Variants in ZBTB20 observed in about 807,000 individuals in gnomAD.
The protein encoded by ZBTB20 is zinc finger and BTB domain containing 20, also known as zinc finger and BTB domain-containing protein 20.
ZBTB20 carries 9 observed loss-of-function variants against 56.9 expected under a neutral mutation model. The observed-to-expected ratio is 0.16, with a 90% CI of 0.10 to 0.28. The LOEUF (loss-of-function observed/expected upper bound fraction) is 0.28, where lower values mean the gene tolerates loss of function less well. Ranked by LOEUF, ZBTB20 falls within the 10% of genes least tolerant of loss-of-function variation. The pLI, the probability that ZBTB20 is intolerant of heterozygous loss-of-function variation, is 1.00. For missense variants in ZBTB20, 655 were observed against 1,003.0 expected, an observed-to-expected ratio of 0.65 and a Z score of 4.69; for synonymous variants, 417 against 420.7, an observed-to-expected ratio of 0.99 and a Z score of 0.11.
chr3:115,142,045 A>G (rs1450947805), intron 1 of ZBTB20, among the ~76,000 whole-genome samples: 17 of 152,194 alleles, frequency 1.1e-4, no homozygotes, highest in Admixed American at 1.0e-3. Flanking sequence ...TACTTCCAAA[A>G]TAACACTTCA....
intron 4 of ZBTB20, among the ~76,000 whole-genome samples, chr3:114,881,179 A>G (rs1314709824): frequency 6.6e-6 from 1 of 152,100 alleles, no homozygotes; most frequent in Non-Finnish European, 1.5e-5. Context: ...TGAATATTCA[A>G]CTTTTCTAGC....
intron 6 of ZBTB20, among the ~76,000 whole-genome samples, chr3:114,532,338 G>A (rs1384030402): frequency 2.0e-5 from 3 of 152,138 alleles, no homozygotes; most frequent in African/African-American, 4.8e-5. Context: ...TTAAGTAGGT[G>A]GTTTTCCCCT....
At chr3:114,438,416 C>CAAAAAAAAAAA (rs11405102) in intron 7 of ZBTB20, among the ~76,000 whole-genome samples, 1 of 120,394 alleles carries the variant, frequency 8.3e-6, no homozygotes, top group African/African-American at 3.4e-5. Context: ...CACTCCTTGC[C>CAAAAAAAAAAA]AAAAAAAAAC....
intron 5 of ZBTB20, among the ~76,000 whole-genome samples, chr3:114,706,658 C>G (rs567866518): frequency 6.6e-6 from 1 of 152,016 alleles, no homozygotes; most frequent in African/African-American, 2.4e-5. Flanking sequence ...CATCTAAATC[C>G]CACAGTGTCC....
intron 4 of ZBTB20, among the ~76,000 whole-genome samples, chr3:114,846,467 C>G (rs1447330348): frequency 2.0e-5 from 3 of 152,186 alleles, no homozygotes; most frequent in African/African-American, 7.2e-5. Context: ...TAGAGCCAAT[C>G]TGGGGAGTGT....
intron 1 of ZBTB20, among the ~76,000 whole-genome samples, chr3:115,102,230 G>A (rs910462715): frequency 1.3e-5 from 2 of 152,106 alleles, no homozygotes; most frequent in African/African-American, 4.8e-5. Context: ...ATGATTAAAA[G>A]GAGACAGACA....
chr3:114,522,435 CT>C (rs1374584476), intron 6 of ZBTB20, among the ~76,000 whole-genome samples: 1 of 152,088 alleles, frequency 6.6e-6, no homozygotes, highest in Non-Finnish European at 1.5e-5. Context: ...ACTGCAAAGG[CT>C]TTTCTTCCAA....
chr3:114,548,172 A>C (rs1389202110), intron 6 of ZBTB20, among the ~76,000 whole-genome samples: 1 of 152,244 alleles, frequency 6.6e-6, no homozygotes, highest in Non-Finnish European at 1.5e-5. Context: ...CCTTATGGCC[A>C]TGGTATCAGA....
chr3:114,854,976 T>C (rs546741945), intron 4 of ZBTB20, among the ~76,000 whole-genome samples: 1 of 152,342 alleles, frequency 6.6e-6, no homozygotes, highest in South Asian at 2.1e-4. Context: ...CTTTCTTTTG[T>C]CTAAACTTCT....
chr3:114,608,099 G>A (rs549573160), intron 6 of ZBTB20, among the ~76,000 whole-genome samples: 109 of 152,148 alleles, frequency 7.2e-4, no homozygotes, highest in Non-Finnish European at 1.3e-3. Flanking sequence ...AGGAAGGGTT[G>A]GGAGTAAAAA....
intron 7 of ZBTB20, among the ~76,000 whole-genome samples, chr3:114,481,831 G>T (rs1288078821): frequency 2.6e-5 from 4 of 152,206 alleles, no homozygotes; most frequent in Non-Finnish European, 4.4e-5. Flanking sequence ...GTCACAGCAG[G>T]TTTGTTCAGA....
chr3:114,373,339 G>C (rs1442387513), intron 10 of ZBTB20, among the ~76,000 whole-genome samples: 1 of 151,928 alleles, frequency 6.6e-6, no homozygotes, highest in African/African-American at 2.4e-5. Flanking sequence ...AATGGATATA[G>C]GATTCAGCTC....
At chr3:114,485,830 AT>A (rs1230815907) in intron 7 of ZBTB20, among the ~76,000 whole-genome samples, 3 of 152,116 alleles carry the variant, frequency 2.0e-5, no homozygotes, top group Non-Finnish European at 2.9e-5. Context: ...CAGATACCAA[AT>A]TTGCAGGTGC....
intron 6 of ZBTB20, among the ~76,000 whole-genome samples, chr3:114,644,629 G>A (rs1196963411): frequency 2.0e-5 from 3 of 152,052 alleles, no homozygotes; most frequent in Non-Finnish European, 4.4e-5. Context: ...TGGAGGAGAG[G>A]GAATGCTTAC....
At chr3:115,011,854 TG>T in intron 2 of ZBTB20, among the ~76,000 whole-genome samples, 1 of 151,940 alleles carries the variant, frequency 6.6e-6, no homozygotes. Context: ...TACAACTTTT[TG>T]AGACATAGTA....
intron 4 of ZBTB20, among the ~76,000 whole-genome samples, chr3:114,819,977 ATT>A (rs2073148382): frequency 6.6e-6 from 1 of 151,932 alleles, no homozygotes; most frequent in African/African-American, 2.4e-5. Context: ...TTTGCCTGCA[ATT>A]TGTCATATAT....
At chr3:114,810,782 G>C (rs1306713654) in intron 4 of ZBTB20, among the ~76,000 whole-genome samples, 1 of 152,162 alleles carries the variant, frequency 6.6e-6, no homozygotes, top group Non-Finnish European at 1.5e-5. Context: ...GGGCCTAGCT[G>C]CAGGTATCCA....
At chr3:114,848,838 T>A (rs1316427586) in intron 4 of ZBTB20, among the ~76,000 whole-genome samples, 1 of 152,216 alleles carries the variant, frequency 6.6e-6, no homozygotes, top group African/African-American at 2.4e-5. Context: ...AAGTCTCCTC[T>A]CTGCCAATGT....
chr3:114,399,303 C>T (rs915968090), intron 7 of ZBTB20, among the ~76,000 whole-genome samples: 4 of 151,850 alleles, frequency 2.6e-5, no homozygotes, highest in South Asian at 4.2e-4. Context: ...GGATATAAAG[C>T]GGTATACAAA....
Sources: gnomAD v4.1 joint callset for allele counts (sites outside exome capture counted in the v4.1 genomes callset) on GRCh38, gnomAD v4.1.1 for gene constraint, MANE v1.5 for transcripts, NCBI Gene and HGNC (gene_info 2026-07-23, HGNC 2026-07-21) for gene names.